BAZ2B: variants seen among roughly 807,000 people sequenced by gnomAD.
BAZ2B encodes the protein bromodomain adjacent to zinc finger domain 2B.
A neutral mutation model predicts 246.0 loss-of-function variants in BAZ2B; 91 were observed. The observed-to-expected ratio is 0.37, with a 90% CI of 0.31 to 0.44. The LOEUF (loss-of-function observed/expected upper bound fraction) is 0.44. Among genes scored for constraint, BAZ2B ranks in the 20% least tolerant of loss-of-function variants. The pLI, the probability that BAZ2B is intolerant of heterozygous loss-of-function variation, is 1.00. For missense variants in BAZ2B, 2,332 were observed against 2,533.7 expected, an observed-to-expected ratio of 0.92 and a Z score of 1.71; for synonymous variants, 855 against 860.0, an observed-to-expected ratio of 0.99 and a Z score of 0.10.
intron 1 of BAZ2B, among the ~76,000 whole-genome samples, chr2:159,561,149 G>T (rs1212445727): frequency 6.6e-6 from 1 of 152,150 alleles, no homozygotes; most frequent in Non-Finnish European, 1.5e-5. Context: ...GATATTGCAG[G>T]AAAGTGGGAC....
chr2:159,352,270 T>C (rs945403629), intron 27 of BAZ2B, among the ~76,000 whole-genome samples: 145 of 152,338 alleles, frequency 9.5e-4, no homozygotes, highest in African/African-American at 3.2e-3. Context: ...TTATCCTTCA[T>C]GTCTCAGATA....
chr2:159,455,950 A>AC (rs1327607779), intron 3 of BAZ2B, among the ~76,000 whole-genome samples: 2 of 151,978 alleles, frequency 1.3e-5, no homozygotes, highest in Non-Finnish European at 2.9e-5. Context: ...TTATAAACAT[A>AC]CTATGATCAG....
chr2:159,500,567 T>C (rs963929469), intron 2 of BAZ2B, among the ~76,000 whole-genome samples: 3 of 152,218 alleles, frequency 2.0e-5, no homozygotes, highest in African/African-American at 7.2e-5. Flanking sequence ...AGACCCTCTG[T>C]GACAATGCTC....
intron 26 of BAZ2B, 122 bp downstream of exon 26, chr2:159,374,569 T>C: frequency 1.3e-6 from 1 of 765,202 alleles, no homozygotes; most frequent in East Asian, 2.7e-5. Context: ...ATTCAGAATC[T>C]TCATTTTTAA....
At chr2:159,601,830 T>C (rs1027905267) in intron 1 of BAZ2B, among the ~76,000 whole-genome samples, 2 of 152,190 alleles carry the variant, frequency 1.3e-5, no homozygotes, top group African/African-American at 2.4e-5. Context: ...AGTACTAGAA[T>C]CATTTCCAAA....
intron 1 of BAZ2B, among the ~76,000 whole-genome samples, chr2:159,563,441 AGAG>A (rs1295395682): frequency 6.6e-5 from 10 of 152,220 alleles, no homozygotes; most frequent in Admixed American, 6.5e-4. Context: ...CACAGATGAA[AGAG>A]GAGTGTAAGG....
At chr2:159,453,068 C>T (rs1181081679) in intron 4 of BAZ2B, among the ~76,000 whole-genome samples, 1 of 152,166 alleles carries the variant, frequency 6.6e-6, no homozygotes, top group Non-Finnish European at 1.5e-5. Flanking sequence ...CCACTGCGCT[C>T]TAGCCTGGGC....
chr2:159,658,677 T>A, the BAZ2B span, among the ~76,000 whole-genome samples: 1 of 151,900 alleles, frequency 6.6e-6, no homozygotes, highest in Non-Finnish European at 1.5e-5. Context: ...ACCACTGAAG[T>A]CTGGATAATT....
the BAZ2B span, among the ~76,000 whole-genome samples, chr2:159,674,442 C>T: frequency 1.5e-3 from 233 of 151,262 alleles, 1 homozygote; most frequent in African/African-American, 5.1e-3. Context: ...AGGCTGGGCG[C>T]GGTGGCTCAT....
intron 27 of BAZ2B, among the ~76,000 whole-genome samples, chr2:159,356,233 C>CACTG (rs2059099238): frequency 6.6e-6 from 1 of 152,206 alleles, no homozygotes; most frequent in Non-Finnish European, 1.5e-5. Flanking sequence ...AGCTAAGATC[C>CACTG]ACTGGCTTGA....
At chr2:159,663,797 G>A in the BAZ2B span, among the ~76,000 whole-genome samples, 43,795 of 149,380 alleles carry the variant, frequency 0.29, 7,518 homozygotes, top group South Asian at 0.46. Flanking sequence ...GATTACAGGT[G>A]TGAGCCACCG....
intron 1 of BAZ2B, among the ~76,000 whole-genome samples, chr2:159,591,697 C>T (rs1689425002): frequency 6.6e-6 from 1 of 151,990 alleles, no homozygotes; most frequent in Admixed American, 6.6e-5. Flanking sequence ...GATTCCACTC[C>T]TACTATGGGT....
chr2:159,446,698 C>A, intron 6 of BAZ2B, 84 bp downstream of exon 6: 2 of 1,297,776 alleles, frequency 1.5e-6, no homozygotes, highest in Non-Finnish European at 1.0e-6. Context: ...AGAAATTAAA[C>A]CATAGATTCT....
At chr2:159,376,783 A>C (rs111824701) in intron 25 of BAZ2B, among the ~76,000 whole-genome samples, 2 of 152,222 alleles carry the variant, frequency 1.3e-5, no homozygotes, top group Admixed American at 1.3e-4. Context: ...TGATGCAAAA[A>C]GAAATAAAAT....
intron 10 of BAZ2B, 116 bp downstream of exon 10, chr2:159,430,747 A>AAAATC: frequency 6.8e-7 from 1 of 1,470,410 alleles, no homozygotes; most frequent in Non-Finnish European, 9.0e-7. Context: ...TAGCCAACCT[A>AAAATC]AAATCTAACT....
chr2:159,357,691 A>C (rs892120116), intron 27 of BAZ2B, among the ~76,000 whole-genome samples: 4 of 152,232 alleles, frequency 2.6e-5, no homozygotes, highest in Non-Finnish European at 5.9e-5. Context: ...AAATGAAGGA[A>C]AAAATGTTAA....
chr2:159,436,468 G>A (rs920516285), intron 8 of BAZ2B, among the ~76,000 whole-genome samples: 6 of 152,216 alleles, frequency 3.9e-5, no homozygotes, highest in African/African-American at 1.4e-4. Flanking sequence ...TCCATTTGGG[G>A]CCAGGTGTGG....
intron 1 of BAZ2B, among the ~76,000 whole-genome samples, chr2:159,614,277 T>A (rs1037060666): frequency 1.4e-5 from 2 of 144,176 alleles, no homozygotes; most frequent in South Asian, 4.2e-4. Context: ...TTTTTGTTTA[T>A]CTGTTCATAA....
rs921351616 is a variant in BAZ2B, at chr2:159,458,106, C to T, written c.146-4305G>A. On this transcript the variant is annotated intron_variant, in intron 3 of 36. Transcript: ENST00000392783. ...TACTGCAACCTCTGCCTCCCGGGTTCGAATGATTCTCCTGCCTCAGCCTCC... is the reference window on the plus strand; with the variant it reads ...TACTGCAACCTCTGCCTCCCGGGTTTGAATGATTCTCCTGCCTCAGCCTCC... Among the ~76,000 whole-genome samples, 11 of 151,814 alleles carry T rather than the reference C, an allele frequency of 7.2e-5. No homozygotes were observed. The East Asian group carries it at 7.8e-4, about 11-fold the overall frequency.
Sources: gnomAD v4.1 joint callset for allele counts (sites outside exome capture counted in the v4.1 genomes callset) on GRCh38, gnomAD v4.1.1 for gene constraint, MANE v1.5 for transcripts, NCBI Gene and HGNC (gene_info 2026-07-23, HGNC 2026-07-21) for gene names.